The following CNBD1 variants were observed in gnomAD, a reference collection of about 807,000 sequenced individuals.
CNBD1 encodes cyclic nucleotide-binding domain-containing protein 1.
In CNBD1, 71 loss-of-function variants were observed where a neutral mutation model predicts 54.4. That is an observed-to-expected ratio of 1.30 (90% CI 1.08 to 1.59). The LOEUF (loss-of-function observed/expected upper bound fraction) is 1.59. CNBD1 is among the 40% of genes most tolerant of loss of function. The probability of loss-of-function intolerance (pLI) is 0.00; values close to 1 mark genes in which losing one functional copy is unlikely to be tolerated. For missense variants in CNBD1, 659 were observed against 518.0 expected, an observed-to-expected ratio of 1.27 and a Z score of -2.64; for synonymous variants, 182 against 170.7, an observed-to-expected ratio of 1.07 and a Z score of -0.51.
chr8:87,375,681 G>T (rs572033996), intron 10 of CNBD1, among the ~76,000 whole-genome samples: 62 of 151,904 alleles, frequency 4.1e-4, no homozygotes, highest in African/African-American at 1.4e-3. Flanking sequence ...ATTATGTCTT[G>T]CAAGACAAAA....
intron 10 of CNBD1, among the ~76,000 whole-genome samples, chr8:87,376,391 A>G (rs1275038857): frequency 6.6e-6 from 1 of 151,952 alleles, no homozygotes; most frequent in South Asian, 2.1e-4. Flanking sequence ...TCAGCACCTA[A>G]TTACTTGCCA....
chr8:86,900,565 C>G (rs868367502), intron 2 of CNBD1, among the ~76,000 whole-genome samples: 2 of 152,074 alleles, frequency 1.3e-5, no homozygotes, highest in African/African-American at 4.8e-5. Context: ...TTTACATTAA[C>G]AATTAACATT....
chr8:87,146,896 A>G (rs867743102), intron 4 of CNBD1, among the ~76,000 whole-genome samples: 3 of 152,154 alleles, frequency 2.0e-5, no homozygotes, highest in African/African-American at 4.8e-5. Context: ...ATATGTATCT[A>G]TGATTTAAAA....
At chr8:87,020,579 CA>C (rs1563437540) in intron 4 of CNBD1, among the ~76,000 whole-genome samples, 1 of 152,134 alleles carries the variant, frequency 6.6e-6, no homozygotes, top group Non-Finnish European at 1.5e-5. Flanking sequence ...TCATGTCCTA[CA>C]AACCATAAAT....
chr8:86,880,871 A>G (rs1365254427), intron 1 of CNBD1, among the ~76,000 whole-genome samples: 2 of 152,222 alleles, frequency 1.3e-5, no homozygotes, highest in East Asian at 1.9e-4. Context: ...TTGGTTCAAC[A>G]TATGCAAATC....
At chr8:86,990,203 A>G (rs1015627784) in intron 4 of CNBD1, among the ~76,000 whole-genome samples, 3 of 152,028 alleles carry the variant, frequency 2.0e-5, no homozygotes, top group African/African-American at 7.3e-5. Flanking sequence ...TTATAACTTG[A>G]CATTATTTCA....
chr8:87,001,810 A>G (rs889953800), intron 4 of CNBD1, among the ~76,000 whole-genome samples: 3 of 152,130 alleles, frequency 2.0e-5, no homozygotes, highest in Non-Finnish European at 4.4e-5. Context: ...TCAGTTGGGA[A>G]GATATTTCCC....
At chr8:86,964,669 G>A (rs116828998) in intron 4 of CNBD1, among the ~76,000 whole-genome samples, 1,898 of 152,264 alleles carry the variant, frequency 0.012, 31 homozygotes, top group African/African-American at 0.036. Context: ...GCAGGAGTGA[G>A]ACTGGGACCT....
At chr8:87,389,139 A>G (rs1029431593) in intron 2 of CNBD1, among the ~76,000 whole-genome samples, 32 of 152,306 alleles carry the variant, frequency 2.1e-4, no homozygotes, top group Non-Finnish European at 3.5e-4. Context: ...CCCACAGCCA[A>G]TATCATCCTG....
intron 4 of CNBD1, among the ~76,000 whole-genome samples, chr8:87,065,606 T>C (rs16896787): frequency 0.037 from 5,694 of 152,074 alleles, 153 homozygotes; most frequent in African/African-American, 0.073. Context: ...TGATTTCCAA[T>C]CTTTGTTCTC....
rs979895572 is a variant in CNBD1, at chr8:87,302,440, C to T, written c.1042+15769C>T. Among the ~76,000 whole-genome samples the T allele has an allele frequency of 7.3e-5, 10 of 136,064 alleles. No homozygotes were observed. In the East Asian group the frequency reaches 1.6e-3, roughly 22 times the overall value. 89.3% of individuals were successfully genotyped at this position (136,064 alleles called of 152,430 possible). A position where few individuals can be genotyped will look rare whatever the true frequency, so the allele number is the denominator to read the frequency against. ...AAGGCCTTTGACAAAATTCAACAAC[C>T]CTTCATGCTAAAAACTCTCAATAAA... is the stretch of plus-strand genomic sequence containing the variant. On this transcript the variant is annotated intron_variant, in intron 8 of 10. Coordinates refer to ENST00000518476, the MANE Select transcript of CNBD1 (RefSeq NM_173538.3).
chr8:87,392,242 G>T (rs369620729), intron 2 of CNBD1, among the ~76,000 whole-genome samples: 7 of 152,062 alleles, frequency 4.6e-5, no homozygotes, highest in East Asian at 1.9e-4. Flanking sequence ...AAAACAACAT[G>T]GCAGTTTCTC....
intron 4 of CNBD1, among the ~76,000 whole-genome samples, chr8:87,176,735 C>A (rs950195390): frequency 1.3e-5 from 2 of 151,652 alleles, no homozygotes; most frequent in Admixed American, 1.3e-4. Flanking sequence ...GTGATCTGCC[C>A]GCCTCAGCCT....
rs369697696 is a variant in CNBD1 at position 87,044,212 on chromosome 8, G to GTT, written c.431+104467_431+104468dup. ...TTCACATGATCATATGTTTTTGTGG[G>GTT]TTTTTTTTTTGTTTTTTTGCAAAAG... On this transcript the variant is annotated intron_variant, in intron 4 of 10. Coordinates refer to ENST00000518476, the MANE Select transcript of CNBD1 (RefSeq NM_173538.3). 2.8e-5 allele frequency among the ~76,000 whole-genome samples: 4 copies of GTT among 144,906 alleles called. No homozygotes were observed. In the East Asian group the frequency reaches 8.0e-4, roughly 29 times the overall value.
intron 3 of CNBD1, among the ~76,000 whole-genome samples, chr8:86,927,374 A>G (rs902488475): frequency 1.3e-5 from 2 of 152,136 alleles, no homozygotes; most frequent in African/African-American, 4.8e-5. Context: ...TATGCTTGCC[A>G]TTACAAAACC....
intron 3 of CNBD1, among the ~76,000 whole-genome samples, chr8:86,931,623 T>C (rs1436569342): frequency 6.6e-6 from 1 of 152,142 alleles, no homozygotes; most frequent in Non-Finnish European, 1.5e-5. Flanking sequence ...CTTATCTTGC[T>C]TTTCCTTTTC....
chr8:87,302,479 G>A (rs1490888758), intron 8 of CNBD1, among the ~76,000 whole-genome samples: 13 of 151,796 alleles, frequency 8.6e-5, no homozygotes, highest in Admixed American at 8.5e-4. Flanking sequence ...GGTATTGATG[G>A]GACGTATCTC....
intron 4 of CNBD1, among the ~76,000 whole-genome samples, chr8:86,994,815 A>G (rs1808833389): frequency 6.6e-6 from 1 of 150,830 alleles, no homozygotes; most frequent in South Asian, 2.1e-4. Context: ...TATTTTGGTC[A>G]CTCTCAGTGG....
intron 4 of CNBD1, among the ~76,000 whole-genome samples, chr8:87,100,092 A>T (rs948023616): frequency 6.6e-6 from 1 of 152,162 alleles, no homozygotes; most frequent in African/African-American, 2.4e-5. Context: ...CAGTGATCTT[A>T]AGAGGAATGA....
Sources: allele counts gnomAD v4.1 joint callset (sites outside exome capture counted in the v4.1 genomes callset), GRCh38; gene constraint gnomAD v4.1.1; transcripts MANE v1.5; gene names NCBI Gene and HGNC (gene_info 2026-07-23, HGNC 2026-07-21).